Variants in ACYP2 observed in about 807,000 individuals in gnomAD.
ACYP2 encodes the protein acylphosphatase-2.
ACYP2 carries 12 observed loss-of-function variants against 11.2 expected under a neutral mutation model. The ratio of observed to expected loss-of-function variants is 1.08; its 90% CI spans 0.69 to 1.74. ACYP2 has a LOEUF of 1.74. ACYP2 is among the 40% of genes most tolerant of loss of function. The pLI, the probability that ACYP2 is intolerant of heterozygous loss-of-function variation, is 0.00. For missense variants in ACYP2, 134 were observed against 101.9 expected (o/e 1.31, Z -1.35); for synonymous variants, 43 against 32.2 (o/e 1.33, Z -1.13).
At chr2:54,172,858 C>A (rs1683274672) in intron 6 of ACYP2, among the ~76,000 whole-genome samples, 1 of 152,152 alleles carries the variant, frequency 6.6e-6, no homozygotes, top group Non-Finnish European at 1.5e-5. Flanking sequence ...CATCCATGTC[C>A]CCGCAGAGAA....
At position 54,013,262 on chromosome 2, in the gene ACYP2, T is replaced by C. The variant is rs1360771206; in HGVS notation, c.63-37696T>C. ...CATTTACCACCATCTAATATGTGTG[T>C]GTGTGTGTGTGTGTGTGTGTGTGTG... On this transcript the variant is annotated intron_variant, in intron 2 of 6. Coordinates refer to ENST00000607452, the MANE Select transcript of ACYP2 (RefSeq NM_001320586.2). Among the ~76,000 whole-genome samples, 10 of 33,730 alleles carry C rather than the reference T, an allele frequency of 3.0e-4. 1 individual carries two copies. Among genetic ancestry groups the C allele is most frequent in the Non-Finnish European group, 5.1e-4 (9 of 17,720 alleles). The allele number at this position is 33,730 out of a possible 152,430, so 22.1% of individuals were successfully genotyped here. A position where few individuals can be genotyped will look rare whatever the true frequency, so the allele number is the denominator to read the frequency against.
chr2:54,095,404 C>A (rs1436855572), intron 4 of ACYP2, among the ~76,000 whole-genome samples: 2 of 152,274 alleles, frequency 1.3e-5, no homozygotes, highest in African/African-American at 4.8e-5. Flanking sequence ...GTTGGACACA[C>A]CTCCCAGACG....
At chr2:54,065,630 A>G (rs1676705158) in intron 4 of ACYP2, 2 of 397,402 alleles carry the variant, frequency 5.0e-6, no homozygotes, top group Admixed American at 4.4e-5. Flanking sequence ...AAGCCATTTT[A>G]GAGAAGCCAG....
intron 6 of ACYP2, among the ~76,000 whole-genome samples, chr2:54,204,391 C>T (rs886725889): frequency 6.6e-6 from 1 of 151,422 alleles, no homozygotes; most frequent in Non-Finnish European, 1.5e-5. Flanking sequence ...TTTCTTCTTC[C>T]AGTGTGGCCC....
At chr2:54,160,500 A>G (rs551650886) in intron 6 of ACYP2, among the ~76,000 whole-genome samples, 1 of 152,362 alleles carries the variant, frequency 6.6e-6, no homozygotes, top group South Asian at 2.1e-4. Flanking sequence ...AGCTCCTTAA[A>G]GGCAGGGATT....
chr2:54,113,209 A>G (rs925044282), intron 4 of ACYP2, among the ~76,000 whole-genome samples: 1 of 151,998 alleles, frequency 6.6e-6, no homozygotes, highest in African/African-American at 2.4e-5. Context: ...ATGACAAGAA[A>G]CAAGAGTCTG....
intron 6 of ACYP2, among the ~76,000 whole-genome samples, chr2:54,241,008 T>A (rs1359300637): frequency 6.6e-6 from 1 of 152,218 alleles, no homozygotes; most frequent in Non-Finnish European, 1.5e-5. Context: ...GCTTATAATC[T>A]GGCAGCCTTT....
intron 6 of ACYP2, among the ~76,000 whole-genome samples, chr2:54,164,182 C>G (rs1682850579): frequency 6.6e-6 from 1 of 152,114 alleles, no homozygotes; most frequent in Non-Finnish European, 1.5e-5. Context: ...TGGGGGAATG[C>G]TCCATGGAAG....
At position 54,155,211 on chromosome 2, in the gene ACYP2, T is replaced by C. The variant is rs1260167141; in HGVS notation, c.404+16463T>C. On this transcript the variant is annotated intron_variant, in intron 6 of 6. Coordinates refer to ENST00000607452, the MANE Select transcript of ACYP2 (RefSeq NM_001320586.2). ...TTTTCTAGGTTAACCTAACTGTAGG[T>C]TTGTCGATTTTGTTTATCTTTTCAA... 2.0e-5 allele frequency among the ~76,000 whole-genome samples: 3 copies of C among 152,120 alleles called. No homozygotes were observed. The East Asian group carries it at 5.8e-4, about 29-fold the overall frequency.
At chr2:54,099,122 C>G (rs1486493653) in intron 4 of ACYP2, among the ~76,000 whole-genome samples, 1 of 152,074 alleles carries the variant, frequency 6.6e-6, no homozygotes, top group Admixed American at 6.6e-5. Context: ...ACCTGCTGTT[C>G]CTTTTTTCTT....
chr2:54,292,910 C>G (rs843732), intron 6 of ACYP2, among the ~76,000 whole-genome samples: 77,284 of 152,016 alleles, frequency 0.51, 20,383 homozygotes, highest in African/African-American at 0.62. Flanking sequence ...TCCAGTTCTT[C>G]CAATTATTTT....
intron 6 of ACYP2, among the ~76,000 whole-genome samples, chr2:54,280,361 A>T (rs182753352): frequency 6.6e-6 from 1 of 151,914 alleles, no homozygotes; most frequent in African/African-American, 2.4e-5. Flanking sequence ...TGGGTAAGGG[A>T]GGTGTGGGTG....
At chr2:54,093,759 T>G (rs1678361875) in intron 4 of ACYP2, among the ~76,000 whole-genome samples, 1 of 152,086 alleles carries the variant, frequency 6.6e-6, no homozygotes, top group Non-Finnish European at 1.5e-5. Flanking sequence ...GCTAACACGG[T>G]GAAAACCCGT....
rs371957586 is a variant in ACYP2 at position 54,016,655 on chromosome 2, A to C, written c.63-34303A>C. Among the ~76,000 whole-genome samples the C allele has an allele frequency of 3.7e-4, 57 of 152,180 alleles. No individual in the cohort carries two copies. In the East Asian group the frequency reaches 3.9e-3, roughly 10 times the overall value. On this transcript the variant is annotated intron_variant, in intron 2 of 6. Transcript: ENST00000607452. ...AACACCACAGACTGGGTCATTTATA[A>C]ACAATAGAAATTTATGTCTCACAGT...
chr2:54,008,956 C>A (rs1345028880), intron 2 of ACYP2, among the ~76,000 whole-genome samples: 1 of 151,982 alleles, frequency 6.6e-6, no homozygotes, highest in Non-Finnish European at 1.5e-5. Flanking sequence ...AGTTCGAGAC[C>A]AGCCTGGCCA....
Position 54,035,408 on chromosome 2 carries a change from G to A in ACYP2, c.63-15550G>A, listed in dbSNP as rs1674842720. 2.6e-5 allele frequency among the ~76,000 whole-genome samples: 4 copies of A among 151,896 alleles called. No individual in the cohort carries two copies. The South Asian group carries it at 8.3e-4, about 32-fold the overall frequency. On this transcript the variant is annotated intron_variant, in intron 2 of 6. Coordinates refer to ENST00000607452, the MANE Select transcript of ACYP2 (RefSeq NM_001320586.2). ...AGCCTTCCGAGTAGCTGGGAGTACA[G>A]GCGCCCGCCGTCATCCCTGGCTAAT...
chr2:54,094,228 A>AT (rs1465454540), intron 4 of ACYP2, among the ~76,000 whole-genome samples: 1 of 149,832 alleles, frequency 6.7e-6, no homozygotes, highest in Non-Finnish European at 1.5e-5. Flanking sequence ...GGAGAAAAAA[A>AT]ATTTTTTTTT....
chr2:54,037,862 A>G (rs758106697), intron 2 of ACYP2, among the ~76,000 whole-genome samples: 3 of 152,240 alleles, frequency 2.0e-5, no homozygotes, highest in Non-Finnish European at 4.4e-5. Context: ...AACATTATAA[A>G]TATCAATAAA....
chr2:54,297,857 A>T (rs990184520), intron 6 of ACYP2, among the ~76,000 whole-genome samples: 1 of 152,190 alleles, frequency 6.6e-6, no homozygotes, highest in African/African-American at 2.4e-5. Context: ...AACTGGAGAA[A>T]ATTTTCACTC....
Sources: allele counts gnomAD v4.1 joint callset (sites outside exome capture counted in the v4.1 genomes callset), GRCh38; gene constraint gnomAD v4.1.1; transcripts MANE v1.5; gene names NCBI Gene and HGNC (gene_info 2026-07-23, HGNC 2026-07-21).